The following DARS1 variants were observed in gnomAD, a reference collection of about 807,000 sequenced individuals.
The protein encoded by DARS1 is aspartate--tRNA ligase, cytoplasmic.
Under a neutral mutation model 68.8 loss-of-function variants are expected in DARS1, and 51 were observed. The observed-to-expected ratio is 0.74, with a 90% CI of 0.59 to 0.94. The LOEUF (loss-of-function observed/expected upper bound fraction) is 0.94, where lower values mean the gene tolerates loss of function less well. Among genes scored for constraint, DARS1 ranks in the 40% least tolerant of loss-of-function variants. DARS1 has a pLI of 0.00. For synonymous variants in DARS1, 203 were observed against 190.4 expected (o/e 1.07, Z -0.55); for missense variants, 607 against 597.3 (o/e 1.02, Z -0.17).
chr2:135,941,386 C>T (rs2104817370), intron 5 of DARS1, among the ~76,000 whole-genome samples: 1 of 152,226 alleles, frequency 6.6e-6, no homozygotes, highest in Non-Finnish European at 1.5e-5. Context: ...TTTGACAAAC[C>T]TGAGAAAAAC....
intron 7 of DARS1, among the ~76,000 whole-genome samples, chr2:135,927,824 T>G (rs1185578411): frequency 1.3e-5 from 2 of 152,210 alleles, no homozygotes; most frequent in East Asian, 3.8e-4. Context: ...TACTTTTAAA[T>G]TCTATAGCAA....
At chr2:135,922,044 C>A (rs946038925) in intron 9 of DARS1, among the ~76,000 whole-genome samples, 1 of 152,146 alleles carries the variant, frequency 6.6e-6, no homozygotes, top group African/African-American at 2.4e-5. Context: ...TTTTCACTTA[C>A]AATTAGCTTC....
At chr2:135,915,207 T>G (rs1042306632) in intron 11 of DARS1, among the ~76,000 whole-genome samples, 2 of 152,086 alleles carry the variant, frequency 1.3e-5, no homozygotes, top group African/African-American at 4.8e-5. Flanking sequence ...TAAATACACA[T>G]GTATTGTGAT....
At position 135,922,933 on chromosome 2, in the gene DARS1, T is replaced by C; in HGVS notation, c.677-15A>G. On this transcript the variant is annotated splice_polypyrimidine_tract_variant and intron_variant, in intron 8 of 15. Coordinates refer to ENST00000264161, the MANE Select transcript of DARS1 (RefSeq NM_001349.4). ...TTCACTGGCAGCTGAAAGGTAAACA[T>C]TTATATTTATATTATTATAATCAAT... is the stretch of plus-strand genomic sequence containing the variant. 10 of 1,506,028 alleles carry C rather than the reference T, an allele frequency of 6.6e-6. No homozygotes were observed. The highest frequency in any genetic ancestry group is 8.8e-6 in the Non-Finnish European group (10 of 1,133,300). The allele number at this position is 1,506,028 out of a possible 1,614,324, so 93.3% of individuals were successfully genotyped here.
intron 3 of DARS1, among the ~76,000 whole-genome samples, chr2:135,971,777 G>A (rs572985853): frequency 5.9e-5 from 9 of 152,166 alleles, no homozygotes; most frequent in African/African-American, 2.2e-4. Flanking sequence ...ATAAATGTCA[G>A]TAGCATTTTT....
At chr2:135,937,366 T>C (rs1247526057) in intron 5 of DARS1, among the ~76,000 whole-genome samples, 1 of 152,114 alleles carries the variant, frequency 6.6e-6, no homozygotes. Flanking sequence ...ATGAGCTCTT[T>C]CAGTTTTTAA....
At chr2:135,912,660 C>T (rs1299417188) in intron 12 of DARS1, 94 bp from the exon 13 acceptor site, 14 of 546,330 alleles carry the variant, frequency 2.6e-5, no homozygotes, top group Middle Eastern at 4.8e-4. Context: ...TTTGGTTCTT[C>T]GTAATTACTC....
In DARS1 at chr2:135,985,237, G is replaced by A. The variant is rs549799460; in HGVS notation, c.66+166C>T. The stretch of plus-strand genomic sequence containing the variant: ...AAGAAACGCGGTCCGGAGAGGGTCT[G>A]GCCCCACTGCTGGGGCAAGGGCTCT... On this transcript the variant is annotated intron_variant, in intron 1 of 15. Coordinates refer to ENST00000264161, the MANE Select transcript of DARS1 (RefSeq NM_001349.4). 1.9e-4 allele frequency: 214 copies of A among 1,130,066 alleles called. 4 individuals carry two copies. In the African/African-American group the frequency reaches 2.8e-3, roughly 15 times the overall value. The allele number at this position is 1,130,066 out of a possible 1,614,324, so 70.0% of individuals were successfully genotyped here. A position where few individuals can be genotyped will look rare whatever the true frequency, so the allele number is the denominator to read the frequency against.
At position 135,985,505 on chromosome 2, in the gene DARS1, T is replaced by C; in HGVS notation, c.-37A>G. On this transcript the variant is annotated 5_prime_UTR_variant, in exon 1 of 16. Coordinates refer to ENST00000264161, the MANE Select transcript of DARS1 (RefSeq NM_001349.4). ...ACTGGGCAGTGGACACCACCCTCCC[T>C]CGCAGGCTTCCGTAAGGCAGGCCAA... The C allele has an allele frequency of 1.2e-6, 2 of 1,613,868 alleles. No individual in the cohort carries two copies. Among genetic ancestry groups the C allele is most frequent in the South Asian group, 1.1e-5 (1 of 91,054 alleles).
intron 7 of DARS1, among the ~76,000 whole-genome samples, chr2:135,932,448 A>G (rs1681372034): frequency 6.6e-6 from 1 of 152,162 alleles, no homozygotes; most frequent in Non-Finnish European, 1.5e-5. Context: ...TTTTTTTCAT[A>G]ACTTTGTAGT....
At chr2:135,940,002 T>C (rs1681561407) in intron 5 of DARS1, among the ~76,000 whole-genome samples, 1 of 152,178 alleles carries the variant, frequency 6.6e-6, no homozygotes, top group African/African-American at 2.4e-5. Flanking sequence ...GCTCTGAAAT[T>C]GAGGCAATAA....
chr2:135,947,842 AAAC>A (rs977709556), intron 4 of DARS1, among the ~76,000 whole-genome samples: 7 of 152,142 alleles, frequency 4.6e-5, no homozygotes, highest in South Asian at 4.1e-4. Context: ...AAAAACAAAA[AAAC>A]AACAACAACT....
At chr2:135,910,616 G>C (rs1049719815) in intron 15 of DARS1, among the ~76,000 whole-genome samples, 1 of 152,028 alleles carries the variant, frequency 6.6e-6, no homozygotes, top group East Asian at 1.9e-4. Flanking sequence ...TGAAAATTTT[G>C]TAAGTACATT....
Position 135,914,530 on chromosome 2 carries a change from A to G in DARS1, c.1107-19T>C. 7.4e-7 allele frequency: 1 copy of G among 1,352,274 alleles called. No individual in the cohort carries two copies. The highest frequency in any genetic ancestry group is 1.1e-6 in the Non-Finnish European group (1 of 941,060). The allele number at this position is 1,352,274 out of a possible 1,614,324, so 83.8% of individuals were successfully genotyped here. A position where few individuals can be genotyped will look rare whatever the true frequency, so the allele number is the denominator to read the frequency against. On this transcript the variant is annotated intron_variant, in intron 11 of 15. Coordinates refer to ENST00000264161, the MANE Select transcript of DARS1 (RefSeq NM_001349.4). ...TGGTGTGCTGAAAAAGAAACGTGAA[A>G]TCAGTGTTTGAAGATCAAATGGCAA...
intron 7 of DARS1, among the ~76,000 whole-genome samples, chr2:135,932,321 G>A (rs1298086251): frequency 6.6e-6 from 1 of 152,130 alleles, no homozygotes; most frequent in Non-Finnish European, 1.5e-5. Flanking sequence ...TGAGACTACT[G>A]CATAAACCAC....
chr2:135,955,509 C>T (rs1681951744), intron 4 of DARS1, among the ~76,000 whole-genome samples: 1 of 151,832 alleles, frequency 6.6e-6, no homozygotes, highest in Admixed American at 6.6e-5. Context: ...TAAAATGCTT[C>T]AATGTTATAA....
chr2:135,972,144 T>A (rs1254993415), intron 3 of DARS1, among the ~76,000 whole-genome samples: 2 of 151,852 alleles, frequency 1.3e-5, no homozygotes, highest in Non-Finnish European at 2.9e-5. Context: ...GCAAAAATAA[T>A]AAAACTGGAG....
At chr2:135,941,730 A>C (rs1021137539) in intron 5 of DARS1, among the ~76,000 whole-genome samples, 127 of 152,018 alleles carry the variant, frequency 8.4e-4, no homozygotes, top group African/African-American at 3.0e-3. Flanking sequence ...GCAACCTACA[A>C]AATGGGAGAA....
intron 3 of DARS1, among the ~76,000 whole-genome samples, chr2:135,970,951 A>G (rs1682355979): frequency 1.3e-5 from 2 of 152,210 alleles, no homozygotes. Context: ...TTAAAGCCGT[A>G]ATAAAAAGTC....
Sources: gnomAD v4.1 joint callset for allele counts (sites outside exome capture counted in the v4.1 genomes callset) on GRCh38, gnomAD v4.1.1 for gene constraint, MANE v1.5 for transcripts, NCBI Gene and HGNC (gene_info 2026-07-23, HGNC 2026-07-21) for gene names.